Variants in GABRB1 observed in about 807,000 individuals in gnomAD.
GABRB1 encodes the protein gamma-aminobutyric acid type A receptor subunit beta1, also known as gamma-aminobutyric acid receptor subunit beta-1.
Under a neutral mutation model 51.6 loss-of-function variants are expected in GABRB1, and 17 were observed. The ratio of observed to expected loss-of-function variants is 0.33; its 90% CI spans 0.23 to 0.49. The LOEUF (loss-of-function observed/expected upper bound fraction) is 0.49, where lower values mean the gene tolerates loss of function less well. Among genes scored for constraint, GABRB1 ranks in the 20% least tolerant of loss-of-function variants. The pLI, the probability that GABRB1 is intolerant of heterozygous loss-of-function variation, is 0.99. For synonymous variants in GABRB1, 247 were observed against 218.9 expected, an observed-to-expected ratio of 1.13 and a Z score of -1.14; for missense variants, 410 against 600.6, an observed-to-expected ratio of 0.68 and a Z score of 3.32.
intron 3 of GABRB1, among the ~76,000 whole-genome samples, chr4:47,141,179 C>A (rs577229981): frequency 6.6e-6 from 1 of 151,938 alleles, no homozygotes; most frequent in South Asian, 2.1e-4. Flanking sequence ...AGAGGCTAGG[C>A]CTGTATTGTG....
intron 3 of GABRB1, among the ~76,000 whole-genome samples, chr4:47,112,884 C>T (rs942233205): frequency 2.0e-5 from 3 of 152,102 alleles, no homozygotes; most frequent in African/African-American, 7.2e-5. Context: ...ATTATCTTCT[C>T]TAAGCTAAAA....
At chr4:47,030,484 A>C (rs1725253570), upstream of GABRB1, among the ~76,000 whole-genome samples, 1 of 152,170 alleles carries the variant, frequency 6.6e-6, no homozygotes. Context: ...CTTTACTTAC[A>C]CTTGTGTGTG....
intron 8 of GABRB1, among the ~76,000 whole-genome samples, chr4:47,413,431 T>C (rs572690754): frequency 6.6e-6 from 1 of 152,340 alleles, no homozygotes; most frequent in South Asian, 2.1e-4. Flanking sequence ...AAGTATTTAC[T>C]TCATCTATTC....
At chr4:47,047,625 A>G (rs866522861) in intron 3 of GABRB1, among the ~76,000 whole-genome samples, 2 of 152,162 alleles carry the variant, frequency 1.3e-5, no homozygotes, top group Non-Finnish European at 2.9e-5. Flanking sequence ...GAATATGGTT[A>G]ATACTAGAAA....
intron 5 of GABRB1, among the ~76,000 whole-genome samples, chr4:47,357,172 A>G (rs550858606): frequency 2.0e-5 from 3 of 152,224 alleles, no homozygotes; most frequent in Non-Finnish European, 2.9e-5. Flanking sequence ...ATAATGTTGT[A>G]TCCTTCACCT....
intron 3 of GABRB1, among the ~76,000 whole-genome samples, chr4:47,059,644 T>G (rs1241741673): frequency 6.6e-6 from 1 of 152,216 alleles, no homozygotes; most frequent in Non-Finnish European, 1.5e-5. Context: ...ATGTAAGAAA[T>G]TCTATGCTAA....
chr4:47,296,905 CTG>C (rs1229949052), intron 4 of GABRB1, among the ~76,000 whole-genome samples: 3 of 152,218 alleles, frequency 2.0e-5, no homozygotes, highest in African/African-American at 7.2e-5. Context: ...TTATAACAAA[CTG>C]TCTCTCAGAG....
At chr4:47,217,703 T>G (rs1329153348) in intron 4 of GABRB1, among the ~76,000 whole-genome samples, 1 of 151,440 alleles carries the variant, frequency 6.6e-6, no homozygotes, top group Non-Finnish European at 1.5e-5. Context: ...CTTTCTCTCT[T>G]TTTTATTAAT....
chr4:47,019,436 GT>G (rs1724843362), intron 1 of GABRB1, among the ~76,000 whole-genome samples: 1 of 150,690 alleles, frequency 6.6e-6, no homozygotes, highest in Non-Finnish European at 1.5e-5. Context: ...CACTGTATTA[GT>G]TTGCTAGGAC....
chr4:47,296,043 C>T (rs1374745324), intron 4 of GABRB1, among the ~76,000 whole-genome samples: 1 of 152,084 alleles, frequency 6.6e-6, no homozygotes, highest in African/African-American at 2.4e-5. Context: ...AAATACTTTA[C>T]AGACAAGCAA....
chr4:47,294,941 G>A (rs1320213065), intron 4 of GABRB1, among the ~76,000 whole-genome samples: 14 of 152,284 alleles, frequency 9.2e-5, no homozygotes, highest in African/African-American at 3.1e-4. Flanking sequence ...AGCAGCATTC[G>A]TGGTTCACGA....
intron 3 of GABRB1, among the ~76,000 whole-genome samples, chr4:47,038,314 A>G (rs1725686434): frequency 6.6e-6 from 1 of 152,236 alleles, no homozygotes; most frequent in African/African-American, 2.4e-5. Context: ...TCCTCATCCA[A>G]CTTTTTCTTC....
chr4:47,408,244 G>A (rs1728642549), intron 8 of GABRB1, among the ~76,000 whole-genome samples: 1 of 152,190 alleles, frequency 6.6e-6, no homozygotes, highest in Non-Finnish European at 1.5e-5. Context: ...ACCATGCCAT[G>A]TCCATTCTAG....
chr4:47,150,374 ACAC>A (rs1717385248), intron 3 of GABRB1, among the ~76,000 whole-genome samples: 1 of 151,148 alleles, frequency 6.6e-6, no homozygotes, highest in Non-Finnish European at 1.5e-5. Flanking sequence ...GCACATACAC[ACAC>A]ACAGAGAGAG....
chr4:47,093,188 T>C (rs564968286), intron 3 of GABRB1, among the ~76,000 whole-genome samples: 23 of 152,208 alleles, frequency 1.5e-4, no homozygotes, highest in Non-Finnish European at 2.9e-4. Flanking sequence ...GAAGGAAATG[T>C]GTTCTAATTG....
At chr4:47,144,218 A>G (rs995621553) in intron 3 of GABRB1, among the ~76,000 whole-genome samples, 3 of 152,020 alleles carry the variant, frequency 2.0e-5, no homozygotes, top group African/African-American at 7.2e-5. Flanking sequence ...AATTCAAAAG[A>G]ACAACTTTAG....
chr4:47,386,200 C>T (rs1727790544), intron 5 of GABRB1, among the ~76,000 whole-genome samples: 2 of 152,158 alleles, frequency 1.3e-5, no homozygotes, highest in South Asian at 4.1e-4. Context: ...CATCCTGAAG[C>T]CATCTAGATG....
chr4:47,110,288 T>C (rs1166028457), intron 3 of GABRB1, among the ~76,000 whole-genome samples: 3 of 152,158 alleles, frequency 2.0e-5, no homozygotes, highest in East Asian at 3.9e-4. Flanking sequence ...TAAAAAAAAA[T>C]ACAAATCTCA....
chr4:47,249,126 C>T (rs1721881279), intron 4 of GABRB1, among the ~76,000 whole-genome samples: 1 of 152,012 alleles, frequency 6.6e-6, no homozygotes, highest in South Asian at 2.1e-4. Context: ...CTCTTTCAGT[C>T]TTTTTGATGT....
Sources: gnomAD v4.1 joint callset for allele counts (sites outside exome capture counted in the v4.1 genomes callset) on GRCh38, gnomAD v4.1.1 for gene constraint, MANE v1.5 for transcripts, NCBI Gene and HGNC (gene_info 2026-07-23, HGNC 2026-07-21) for gene names.